The following HS2ST1 variants were observed in gnomAD, a reference collection of about 807,000 sequenced individuals.
HS2ST1 encodes 2-O-sulfotransferase.
Under a neutral mutation model 42.9 loss-of-function variants are expected in HS2ST1, and 18 were observed. That is an observed-to-expected ratio of 0.42 (90% CI 0.29 to 0.62). The LOEUF (loss-of-function observed/expected upper bound fraction) is 0.62, where lower values mean the gene tolerates loss of function less well. HS2ST1 is among the 20% of genes least tolerant of loss of function. The pLI, the probability that HS2ST1 is intolerant of heterozygous loss-of-function variation, is 0.21. For missense variants in HS2ST1, 334 were observed against 433.8 expected, an observed-to-expected ratio of 0.77 and a Z score of 2.04; for synonymous variants, 146 against 152.9, an observed-to-expected ratio of 0.95 and a Z score of 0.33.
chr1:87,098,405 G>A (rs1443258194), intron 5 of HS2ST1: 6 of 807,566 alleles, frequency 7.4e-6, no homozygotes, highest in East Asian at 1.3e-4. Flanking sequence ...ATATCAAGTG[G>A]AAAATAAAGA....
chr1:86,988,790 T>A (rs1648862581), intron 1 of HS2ST1, among the ~76,000 whole-genome samples: 1 of 152,240 alleles, frequency 6.6e-6, no homozygotes. Flanking sequence ...GCAAGCCAAT[T>A]CCACCCAAAT....
intron 1 of HS2ST1, among the ~76,000 whole-genome samples, chr1:86,963,830 C>T (rs1213716550): frequency 2.8e-5 from 4 of 145,010 alleles, no homozygotes; most frequent in South Asian, 4.5e-4. Flanking sequence ...GCTGGCCGGG[C>T]GGGGGCTGCC....
chr1:87,023,404 C>T (rs4656135), intron 1 of HS2ST1, among the ~76,000 whole-genome samples: 115,920 of 151,460 alleles, frequency 0.77, 45,158 homozygotes, highest in East Asian at 0.97. Flanking sequence ...TGAGAATTAC[C>T]GTGCTGCTGT....
chr1:87,055,580 T>A (rs1327432170), intron 1 of HS2ST1, among the ~76,000 whole-genome samples: 1 of 152,184 alleles, frequency 6.6e-6, no homozygotes, highest in Non-Finnish European at 1.5e-5. Context: ...TTAAAACTCT[T>A]TAAAAAAATG....
At chr1:87,000,370 A>C (rs1649247575) in intron 1 of HS2ST1, among the ~76,000 whole-genome samples, 1 of 152,246 alleles carries the variant, frequency 6.6e-6, no homozygotes, top group African/African-American at 2.4e-5. Flanking sequence ...GGAAACTGAC[A>C]CAGCAATTAA....
intron 1 of HS2ST1, among the ~76,000 whole-genome samples, chr1:87,018,111 C>A (rs939889920): frequency 2.7e-5 from 4 of 148,912 alleles, no homozygotes; most frequent in Non-Finnish European, 5.9e-5. Flanking sequence ...TCTTTATTTA[C>A]CCTTCAAAGA....
chr1:86,940,264 C>T (rs1458222966), intron 1 of HS2ST1, among the ~76,000 whole-genome samples: 2 of 152,118 alleles, frequency 1.3e-5, no homozygotes, highest in Non-Finnish European at 2.9e-5. Context: ...GACCCAGTTA[C>T]TCAGGAGACT....
intron 5 of HS2ST1, among the ~76,000 whole-genome samples, chr1:87,101,082 A>ATGCTTTGC (rs1421664495): frequency 6.8e-6 from 1 of 147,708 alleles, no homozygotes; most frequent in African/African-American, 2.5e-5. Flanking sequence ...CACATCTTAA[A>ATGCTTTGC]TGCTTTGCTG....
chr1:86,963,328 G>C (rs554701595), intron 1 of HS2ST1, among the ~76,000 whole-genome samples: 19 of 152,126 alleles, frequency 1.2e-4, no homozygotes, highest in African/African-American at 3.9e-4. Flanking sequence ...GTTTGTGTCC[G>C]TGGGTACTTG....
intron 1 of HS2ST1, among the ~76,000 whole-genome samples, chr1:87,018,645 G>A (rs930907690): frequency 8.5e-5 from 13 of 152,136 alleles, no homozygotes; most frequent in African/African-American, 3.1e-4. Flanking sequence ...TGCTTATGTA[G>A]CACCACAGCA....
chr1:86,978,865 T>TTA (rs967379977), intron 1 of HS2ST1, among the ~76,000 whole-genome samples: 3 of 141,554 alleles, frequency 2.1e-5, no homozygotes, highest in African/African-American at 7.7e-5. Context: ...GTGAATCTTT[T>TTA]TTTTTTTTTT....
chr1:87,100,292 C>T (rs931003125), intron 5 of HS2ST1, among the ~76,000 whole-genome samples: 23 of 152,182 alleles, frequency 1.5e-4, no homozygotes, highest in Non-Finnish European at 5.9e-5. Context: ...CTGGAAACCA[C>T]CAATGTTTAC....
chr1:86,942,281 A>C lies in HS2ST1; in HGVS notation c.124+27121A>C, dbSNP rs1371019241. On this transcript the variant is annotated intron_variant, in intron 1 of 6. Coordinates refer to ENST00000370550, the MANE Select transcript of HS2ST1 (RefSeq NM_012262.4). ...ACTTAACTACTGCCAGCATCACTCA[A>C]ACCAGCCAACTCTTTCATCTTTAGT... Among the ~76,000 whole-genome samples the C allele has an allele frequency of 2.0e-5, 3 of 152,224 alleles. No homozygotes were observed. In the East Asian group the frequency reaches 5.8e-4, roughly 29 times the overall value.
At chr1:87,044,110 T>G (rs1264669898) in intron 1 of HS2ST1, among the ~76,000 whole-genome samples, 1 of 152,072 alleles carries the variant, frequency 6.6e-6, no homozygotes, top group Non-Finnish European at 1.5e-5. Context: ...CACATAATTT[T>G]GAAATGCGGC....
intron 1 of HS2ST1, among the ~76,000 whole-genome samples, chr1:87,011,126 AGCAAATAATTCTGAAC>A: frequency 6.6e-6 from 1 of 152,022 alleles, no homozygotes; most frequent in Non-Finnish European, 1.5e-5. Context: ...ATGAATGAGT[AGCAAATAATTCTGAAC>A]ATAAAAATTG....
At chr1:87,087,415 A>G (rs1160041225) in intron 3 of HS2ST1, among the ~76,000 whole-genome samples, 2 of 152,024 alleles carry the variant, frequency 1.3e-5, no homozygotes, top group African/African-American at 4.8e-5. Flanking sequence ...CGTATCAGGT[A>G]TGTACCTTTG....
intron 1 of HS2ST1, among the ~76,000 whole-genome samples, chr1:86,963,630 C>T (rs1048014500): frequency 5.3e-5 from 8 of 152,278 alleles, no homozygotes; most frequent in East Asian, 3.9e-4. Context: ...TCAACAAAAC[C>T]GCCATCGTCA....
intron 1 of HS2ST1, among the ~76,000 whole-genome samples, chr1:87,071,787 G>A (rs1290660498): frequency 3.3e-5 from 5 of 151,888 alleles, no homozygotes; most frequent in South Asian, 2.1e-4. Flanking sequence ...GCTTCCCTGG[G>A]AAGCAATTGA....
intron 1 of HS2ST1, among the ~76,000 whole-genome samples, chr1:86,995,384 T>A (rs1038574542): frequency 6.6e-6 from 1 of 152,200 alleles, no homozygotes; most frequent in African/African-American, 2.4e-5. Flanking sequence ...TCTGGAATTA[T>A]TTTCACTCTG....
Sources: gnomAD v4.1 joint callset for allele counts (sites outside exome capture counted in the v4.1 genomes callset) on GRCh38, gnomAD v4.1.1 for gene constraint, MANE v1.5 for transcripts, NCBI Gene and HGNC (gene_info 2026-07-23, HGNC 2026-07-21) for gene names.